The following ARHGAP39 variants were observed in gnomAD, a reference collection of about 807,000 sequenced individuals.
The protein encoded by ARHGAP39 is Rho GTPase activating protein 39.
Under a neutral mutation model 106.9 loss-of-function variants are expected in ARHGAP39, and 44 were observed. The ratio of observed to expected loss-of-function variants is 0.41; its 90% CI spans 0.32 to 0.53. The LOEUF is 0.53. Among genes scored for constraint, ARHGAP39 ranks in the 20% least tolerant of loss-of-function variants. The pLI is 0.21. For missense variants in ARHGAP39, 1,496 were observed against 1,577.3 expected (o/e 0.95, Z 0.87); for synonymous variants, 768 against 693.2 (o/e 1.11, Z -1.69).
intron 3 of ARHGAP39, among the ~76,000 whole-genome samples, chr8:144,561,024 G>A (rs143071563): frequency 2.0e-3 from 305 of 152,390 alleles, no homozygotes; most frequent in African/African-American, 6.8e-3. Flanking sequence ...AAACTGTGTC[G>A]AGAGATGATA....
chr8:144,545,540 A>G lies in ARHGAP39; in HGVS notation c.2230T>C (p.Cys744Arg). The change falls in exon 6 of 12, where the codon TGC (cysteine) becomes CGC (arginine). Residue 744 changes from cysteine (C) to arginine (R), a missense_variant. By Grantham distance (180) the Cys-to-Arg change is radical. Coordinates refer to ENST00000377307, the MANE Select transcript of ARHGAP39 (RefSeq NM_025251.3). ...ATCTGGATCAGCTTGAAGAGCTCGC[A>G]GGCCTCCTTCTTCACGTGCCGGTCG... ...TSDRHVKKEA[C>R]ELFKLIQMYM... is the part of the protein sequence containing the mutation. 1 of 1,613,612 alleles carries G rather than the reference A, an allele frequency of 6.2e-7. No individual in the cohort carries two copies. The highest frequency in any genetic ancestry group is 8.5e-7 in the Non-Finnish European group (1 of 1,179,986).
At chr8:144,615,236 G>A (rs997374096) in intron 1 of ARHGAP39, among the ~76,000 whole-genome samples, 2 of 152,068 alleles carry the variant, frequency 1.3e-5, no homozygotes, top group East Asian at 1.9e-4. Context: ...TGAGAGGATC[G>A]CTGACCCCAG....
chr8:144,534,013 G>T, intron 8 of ARHGAP39, 116 bp downstream of exon 8: 1 of 1,205,984 alleles, frequency 8.3e-7, no homozygotes, highest in Non-Finnish European at 1.2e-6. Context: ...CGGGCTCCAT[G>T]TGGCACCCTC....
At chr8:144,581,979 T>C (rs1050794059) in intron 2 of ARHGAP39, among the ~76,000 whole-genome samples, 2 of 151,850 alleles carry the variant, frequency 1.3e-5, no homozygotes, top group Non-Finnish European at 2.9e-5. Context: ...CATGGACCCA[T>C]GCATCCGTCT....
chr8:144,545,401 C>T lies in ARHGAP39; in HGVS notation c.2369G>A (p.Arg790Gln), dbSNP rs1361352097. The T allele has an allele frequency of 8.8e-6, 13 of 1,472,520 alleles. No individual in the cohort carries two copies. Among genetic ancestry groups the T allele is most frequent in the Admixed American group, 2.0e-5 (1 of 50,618 alleles). 91.2% of individuals were successfully genotyped at this position (1,472,520 alleles called of 1,614,324 possible). A position where few individuals can be genotyped will look rare whatever the true frequency, so the allele number is the denominator to read the frequency against. Residue 790 changes from arginine to glutamine, a missense_variant, in exon 6 of 12, where the codon CGG becomes CAG. By Grantham distance (43) the Arg-to-Gln change is conservative. Coordinates refer to ENST00000377307, the MANE Select transcript of ARHGAP39 (RefSeq NM_025251.3). ...CAGGCGGAAGTTCTCGGTGGTCTGC[C>T]GGCACAGCTGGATGTAGAGCTCGTC... ...LRDELYIQLC[R>Q]QTTENFRLES...
chr8:144,609,936 T>C (rs1250046155), intron 1 of ARHGAP39, among the ~76,000 whole-genome samples: 1 of 152,202 alleles, frequency 6.6e-6, no homozygotes, highest in Non-Finnish European at 1.5e-5. Flanking sequence ...GAGATTCCAG[T>C]GAAGCCAGAT....
chr8:144,600,843 G>A (rs1014663757), intron 2 of ARHGAP39, among the ~76,000 whole-genome samples: 47 of 149,398 alleles, frequency 3.1e-4, no homozygotes, highest in Non-Finnish European at 3.7e-4. Context: ...GTGTGTGCTC[G>A]TGTACCTGTG....
Position 144,646,717 on chromosome 8 carries a change from TGGGAACCTGCA to T in ARHGAP39, c.-82+38958_-82+38968del, listed in dbSNP as rs551254734. Among the ~76,000 whole-genome samples, 20 of 152,326 alleles carry T rather than the reference TGGGAACCTGCA, an allele frequency of 1.3e-4. No individual in the cohort carries two copies. The South Asian group carries it at 3.9e-3, about 30-fold the overall frequency. ...ACAACGCCTCTCTGAGCCAAGGGCA[TGGGAACCTGCA>T]GGAGACAGCCTGGTCCTGGTGAGAC... On this transcript the variant is annotated intron_variant, in intron 1 of 11. Transcript: ENST00000377307. The surrounding 1 kb of genome is among the most constrained non-coding windows in gnomAD (Gnocchi z 5.7).
Position 144,670,550 on chromosome 8 carries a change from T to G in ARHGAP39, c.-82+15136A>C, listed in dbSNP as rs1160278574. Among the ~76,000 whole-genome samples the G allele has an allele frequency of 1.3e-5, 2 of 152,208 alleles. No homozygotes were observed. The highest frequency in any genetic ancestry group is 3.9e-4 in the East Asian group (2 of 5,184). ...CAAGAAGACTATTTTGGGTGGGCTC[T>G]TGGTGCAGTCTGGCTGGCTGCCTCA... On this transcript the variant is annotated intron_variant, in intron 1 of 11. Transcript: ENST00000377307. The surrounding 1 kb of genome is among the most constrained non-coding windows in gnomAD (Gnocchi z 4.4).
intron 2 of ARHGAP39, among the ~76,000 whole-genome samples, chr8:144,603,991 G>C (rs1287785014): frequency 6.6e-6 from 1 of 152,104 alleles, no homozygotes; most frequent in African/African-American, 2.4e-5. Flanking sequence ...AAACCCAACG[G>C]AGCTCACAGC....
intron 2 of ARHGAP39, among the ~76,000 whole-genome samples, chr8:144,601,256 G>A (rs1819915483): frequency 6.8e-6 from 1 of 146,952 alleles, no homozygotes. Flanking sequence ...GGAGGCGTGT[G>A]TGCTCGTGAA....
At chr8:144,607,855 A>G (rs1377166628) in intron 1 of ARHGAP39, among the ~76,000 whole-genome samples, 6 of 152,176 alleles carry the variant, frequency 3.9e-5, no homozygotes, top group Non-Finnish European at 7.3e-5. Flanking sequence ...TACGAATGCT[A>G]TTTTTAAAAA....
chr8:144,603,473 G>A (rs1334664403), intron 2 of ARHGAP39, among the ~76,000 whole-genome samples: 1 of 152,020 alleles, frequency 6.6e-6, no homozygotes, highest in Non-Finnish European at 1.5e-5. Context: ...GGCAGATCAC[G>A]AGGTCAGGAG....
intron 2 of ARHGAP39, among the ~76,000 whole-genome samples, chr8:144,600,853 G>A (rs1449245786): frequency 1.3e-5 from 2 of 151,688 alleles, no homozygotes; most frequent in East Asian, 1.9e-4. Flanking sequence ...GTGTACCTGT[G>A]TGTGTGCATG....
chr8:144,534,108 G>A (rs1441941043), intron 8 of ARHGAP39, 21 bp downstream of exon 8: 1 of 1,611,556 alleles, frequency 6.2e-7, no homozygotes, highest in Non-Finnish European at 8.5e-7. Flanking sequence ...GCCCTCCCCG[G>A]CCCCCCAGGC....
chr8:144,567,139 A>G (rs1468876010), intron 3 of ARHGAP39, among the ~76,000 whole-genome samples: 2 of 152,356 alleles, frequency 1.3e-5, no homozygotes, highest in East Asian at 3.9e-4. Flanking sequence ...ATATAAAATA[A>G]GAATAGTTAT....
At chr8:144,662,816 C>A in intron 1 of ARHGAP39, among the ~76,000 whole-genome samples, 1 of 149,504 alleles carries the variant, frequency 6.7e-6, no homozygotes, top group Non-Finnish European at 1.5e-5. Context: ...GCCACTCCCC[C>A]CATCCCCATT....
intron 2 of ARHGAP39, 69 bp downstream of exon 2, chr8:144,605,466 C>G (rs1820249794): frequency 3.3e-6 from 5 of 1,505,776 alleles, no homozygotes; most frequent in Non-Finnish European, 4.6e-6. Flanking sequence ...ACTGCTTTCT[C>G]TGCAGGAAGA....
chr8:144,699,426 G>A, the ARHGAP39 span, among the ~76,000 whole-genome samples: 1 of 95,246 alleles, frequency 1.0e-5, no homozygotes, highest in Non-Finnish European at 2.1e-5. Context: ...AATGTGGAGG[G>A]TCATAGGTTG....
Sources: allele counts gnomAD v4.1 joint callset (sites outside exome capture counted in the v4.1 genomes callset), GRCh38; gene constraint gnomAD v4.1.1; non-coding constraint Gnocchi (gnomAD v3.1); transcripts MANE v1.5; gene names NCBI Gene and HGNC (gene_info 2026-07-23, HGNC 2026-07-21).